HECTD4: variants seen among roughly 807,000 people sequenced by gnomAD.
The protein encoded by HECTD4 is HECT domain E3 ubiquitin protein ligase 4.
In HECTD4, 114 loss-of-function variants were observed where a neutral mutation model predicts 471.5. That is an observed-to-expected ratio of 0.24 (90% CI 0.21 to 0.28). The LOEUF is 0.28. HECTD4 is among the 10% of genes least tolerant of loss of function. The pLI, the probability that HECTD4 is intolerant of heterozygous loss-of-function variation, is 1.00. For missense variants in HECTD4, 3,866 were observed against 5,651.5 expected (o/e 0.68, Z 10.13); for synonymous variants, 2,012 against 2,256.0 (o/e 0.89, Z 3.07).
intron 49 of HECTD4, among the ~76,000 whole-genome samples, chr12:112,211,310 G>C (rs983066290): frequency 7.2e-5 from 11 of 151,990 alleles, no homozygotes; most frequent in African/African-American, 2.7e-4. Flanking sequence ...GGAACTCCTG[G>C]GCTCAAGTGA....
intron 59 of HECTD4, 90 bp downstream of exon 59, chr12:112,192,470 C>T: frequency 1.0e-6 from 1 of 1,004,696 alleles, no homozygotes; most frequent in South Asian, 2.0e-5. Context: ...CTGGAACATG[C>T]AAGGTACAAA....
intron 7 of HECTD4, among the ~76,000 whole-genome samples, chr12:112,288,648 C>A (rs1054371910): frequency 1.3e-5 from 2 of 152,100 alleles, no homozygotes; most frequent in African/African-American, 4.8e-5. Context: ...AAGCATGATG[C>A]AAGCAGAGAC....
chr12:112,326,184 A>G (rs2035739825), intron 1 of HECTD4, among the ~76,000 whole-genome samples: 1 of 152,226 alleles, frequency 6.6e-6, no homozygotes, highest in Non-Finnish European at 1.5e-5. Flanking sequence ...GGCTTTGAAC[A>G]AGACTACAAT....
Position 112,185,156 on chromosome 12 carries a change from A to G in HECTD4, c.9810T>C (p.Pro3270=). ...CACTGGCTGTGACACTCATGTTAGT[A>G]GGCAGGGTCACTTCGGCCACAGCCA... ...GCLAVAEVTL[P]TNMSVTASGV... Residue 3270 remains proline, a synonymous_variant, in exon 61 of 76, where the codon CCT becomes CCC. Coordinates refer to ENST00000682272, the MANE Select transcript of HECTD4 (RefSeq NM_001388303.1). 2 of 1,552,644 alleles carry G rather than the reference A, an allele frequency of 1.3e-6. No individual in the cohort carries two copies. The highest frequency in any genetic ancestry group is 1.7e-6 in the Non-Finnish European group (2 of 1,147,504).
At chr12:112,352,612 T>TC (rs1393047418) in intron 1 of HECTD4, among the ~76,000 whole-genome samples, 1 of 151,282 alleles carries the variant, frequency 6.6e-6, no homozygotes, top group East Asian at 1.9e-4. Flanking sequence ...ATCATTTTTT[T>TC]CCCTTCTTTT....
intron 1 of HECTD4, among the ~76,000 whole-genome samples, chr12:112,346,936 G>C (rs1248027904): frequency 6.6e-6 from 1 of 152,142 alleles, no homozygotes; most frequent in Non-Finnish European, 1.5e-5. Flanking sequence ...TACTGGAAAT[G>C]TTGGTGCCCA....
chr12:112,309,060 T>A (rs1334519082), intron 5 of HECTD4, among the ~76,000 whole-genome samples, 169 bp from the exon 6 acceptor site: 2 of 152,178 alleles, frequency 1.3e-5, no homozygotes, highest in East Asian at 3.8e-4. Flanking sequence ...ACTGCCAAAC[T>A]ATAGCAAATA....
At chr12:112,350,378 A>G (rs1808472902) in intron 1 of HECTD4, among the ~76,000 whole-genome samples, 1 of 152,234 alleles carries the variant, frequency 6.6e-6, no homozygotes, top group Admixed American at 6.5e-5. Flanking sequence ...GTTATCAGAA[A>G]TAATATTATT....
intron 11 of HECTD4, 69 bp downstream of exon 11, chr12:112,273,586 C>A: frequency 6.8e-7 from 1 of 1,465,886 alleles, no homozygotes; most frequent in Non-Finnish European, 9.5e-7. Flanking sequence ...TTTTCACCTA[C>A]TAATGCTGTG....
rs1349030458 is a variant in HECTD4, at chr12:112,247,095, G to A, written c.4338-19C>T. The A allele has an allele frequency of 6.4e-7, 1 of 1,568,852 alleles. No individual in the cohort carries two copies. The highest frequency in any genetic ancestry group is 1.4e-5 in the African/African-American group (1 of 73,856). On this transcript the variant is annotated intron_variant, in intron 28 of 75. Transcript: ENST00000682272. ...CTTCTCCCTATAAAGAAAGACTGAT[G>A]TGCATTGAGTTGTTCTCTAGCTTAT... is the stretch of plus-strand genomic sequence containing the variant.
intron 1 of HECTD4, among the ~76,000 whole-genome samples, chr12:112,329,057 T>C (rs963914338): frequency 1.8e-4 from 27 of 152,232 alleles, no homozygotes; most frequent in African/African-American, 6.3e-4. Flanking sequence ...CATCTTGTTG[T>C]GGCCCCTGCC....
chr12:112,372,463 G>A (rs1299844102), intron 1 of HECTD4, among the ~76,000 whole-genome samples: 4 of 151,634 alleles, frequency 2.6e-5, no homozygotes, highest in African/African-American at 9.7e-5. Flanking sequence ...GGGTTTCACC[G>A]TGTTAGCGAA....
At chr12:112,340,147 A>G (rs1460691064) in intron 1 of HECTD4, among the ~76,000 whole-genome samples, 1 of 152,214 alleles carries the variant, frequency 6.6e-6, no homozygotes, top group Non-Finnish European at 1.5e-5. Context: ...ACATCTGTAT[A>G]TGATATAATT....
At chr12:112,320,275 C>T (rs1018011743) in intron 1 of HECTD4, among the ~76,000 whole-genome samples, 10 of 151,944 alleles carry the variant, frequency 6.6e-5, no homozygotes, top group Admixed American at 3.9e-4. Flanking sequence ...GTAGAGGCTG[C>T]AGTAAGCCAT....
At chr12:112,295,788 T>A (rs985524182) in intron 7 of HECTD4, among the ~76,000 whole-genome samples, 1 of 150,624 alleles carries the variant, frequency 6.6e-6, no homozygotes, top group African/African-American at 2.5e-5. Context: ...ACTACGGACA[T>A]GCACCATTAA....
At chr12:112,372,268 T>A (rs1004719567) in intron 1 of HECTD4, among the ~76,000 whole-genome samples, 2 of 151,652 alleles carry the variant, frequency 1.3e-5, no homozygotes, top group African/African-American at 4.8e-5. Context: ...CTAATTTTTT[T>A]TATTTTTTTA....
chr12:112,208,465 G>C, intron 51 of HECTD4, 29 bp downstream of exon 51: 1 of 1,542,874 alleles, frequency 6.5e-7, no homozygotes, highest in South Asian at 1.3e-5. Flanking sequence ...ATGCTGCTGA[G>C]TCCTGATCTA....
At chr12:112,277,898 T>A (rs1189831412) in intron 9 of HECTD4, among the ~76,000 whole-genome samples, 1 of 152,190 alleles carries the variant, frequency 6.6e-6, no homozygotes, top group Non-Finnish European at 1.5e-5. Context: ...TTTGAATGAT[T>A]AATTTCCCCA....
Position 112,166,323 on chromosome 12 carries a change from A to G in HECTD4, c.12534+994T>C, listed in dbSNP as rs2030956606. 2 of 152,222 alleles carry G rather than the reference A, an allele frequency of 1.3e-5. No homozygotes were observed. Among genetic ancestry groups the G allele is most frequent in the Admixed American group, 1.3e-4 (2 of 15,288 alleles). The allele number at this position is 152,222 out of a possible 1,614,324, so 9.4% of individuals were successfully genotyped here. ...CTGCCCTGAGTGACCCAGGGGGACA[A>G]TGGCAGAGACCAGAGACCTGGCCAG... is the stretch of plus-strand genomic sequence containing the variant. On this transcript the variant is annotated intron_variant, in intron 72 of 75. Transcript: ENST00000682272. This position sits in a 1 kb window ranked among gnomAD's most constrained non-coding sequence, Gnocchi z 4.6.
Sources: gnomAD v4.1 joint callset for allele counts (sites outside exome capture counted in the v4.1 genomes callset) on GRCh38, gnomAD v4.1.1 for gene constraint, Gnocchi (gnomAD v3.1) non-coding constraint, MANE v1.5 for transcripts, NCBI Gene and HGNC (gene_info 2026-07-23, HGNC 2026-07-21) for gene names.